GOLIM4: variants seen among roughly 807,000 people sequenced by gnomAD.
The protein encoded by GOLIM4 is golgi integral membrane protein 4.
Under a neutral mutation model 107.4 loss-of-function variants are expected in GOLIM4, and 71 were observed. The ratio of observed to expected loss-of-function variants is 0.66; its 90% CI spans 0.55 to 0.81. The LOEUF (loss-of-function observed/expected upper bound fraction) is 0.81. GOLIM4 is among the 30% of genes least tolerant of loss of function. The pLI, the probability that GOLIM4 is intolerant of heterozygous loss-of-function variation, is 0.00. For missense variants in GOLIM4, 830 were observed against 826.1 expected (o/e 1.00, Z -0.06); for synonymous variants, 327 against 294.8 (o/e 1.11, Z -1.12).
chr3:168,010,634 G>C, intron 15 of GOLIM4, 109 bp downstream of exon 15: 1 of 889,968 alleles, frequency 1.1e-6, no homozygotes, highest in Non-Finnish European at 1.8e-6. Flanking sequence ...TGGTAACTCA[G>C]AGGTACCATT....
At chr3:168,081,050 C>G (rs897277070) in intron 1 of GOLIM4, among the ~76,000 whole-genome samples, 3 of 152,166 alleles carry the variant, frequency 2.0e-5, no homozygotes, top group Non-Finnish European at 2.9e-5. Context: ...GCTAAAGATG[C>G]TACCAGGTAG....
chr3:168,010,419 C>T lies in GOLIM4; in HGVS notation c.1942-1G>A. Reference sequence around the variant, plus strand: ...CTCCATCATTATTTTTATCATCAGTCTTAAAATTAAAAGAAAAAAGAAAAA... The same window carrying T: ...CTCCATCATTATTTTTATCATCAGTTTTAAAATTAAAAGAAAAAAGAAAAA... On this transcript the variant is annotated splice_acceptor_variant, in intron 15 of 15. Transcript: ENST00000470487. LOFTEE classifies it high-confidence loss of function. 5 of 1,586,184 alleles carry T rather than the reference C, an allele frequency of 3.2e-6. No individual in the cohort carries two copies. Among genetic ancestry groups the T allele is most frequent in the Non-Finnish European group, 4.3e-6 (5 of 1,160,788 alleles).
chr3:168,017,830 C>A (rs1208294671), intron 14 of GOLIM4, among the ~76,000 whole-genome samples: 1 of 152,180 alleles, frequency 6.6e-6, no homozygotes, highest in Non-Finnish European at 1.5e-5. Context: ...AAATTCCTCT[C>A]TCTCTTTAGT....
At chr3:168,080,970 T>C (rs547385668) in intron 1 of GOLIM4, among the ~76,000 whole-genome samples, 14 of 152,174 alleles carry the variant, frequency 9.2e-5, no homozygotes, top group African/African-American at 3.1e-4. Context: ...ACACCTGGAA[T>C]CTAAAACACA....
chr3:168,010,371 G>T lies in GOLIM4; in HGVS notation c.1989C>A (p.Asp663Glu). 1 of 1,612,356 alleles carries T rather than the reference G, an allele frequency of 6.2e-7. No individual in the cohort carries two copies. Among genetic ancestry groups the T allele is most frequent in the Admixed American group, 1.7e-5 (1 of 59,974 alleles). ...GTTCCTCTCGGCCTTTGGGGCGGTT[G>T]TCATCTCGAACTTCTTGCTCTTCTC... ...NDGEEQEVRD[D>E]NRPKGREEHY... The change falls in exon 16 of 16, where the codon GAC (aspartate) becomes GAA (glutamate). Residue 663 changes from aspartate (D) to glutamate (E), a missense_variant. By Grantham distance (45) the Asp-to-Glu change is conservative. Coordinates refer to ENST00000470487, the MANE Select transcript of GOLIM4 (RefSeq NM_014498.5).
At chr3:168,021,984 C>T (rs73174976) in intron 14 of GOLIM4, among the ~76,000 whole-genome samples, 6,573 of 152,140 alleles carry the variant, frequency 0.043, 182 homozygotes, top group Non-Finnish European at 0.07. Context: ...ATGTAAGCAA[C>T]GTAAGGAAGG....
intron 14 of GOLIM4, among the ~76,000 whole-genome samples, chr3:168,017,456 C>A (rs188376678): frequency 9.7e-4 from 148 of 152,254 alleles, no homozygotes; most frequent in African/African-American, 3.4e-3. Context: ...TGTCACTGCA[C>A]AACAGCCTCG....
Position 168,024,572 on chromosome 3 carries a change from T to A in GOLIM4, c.1814A>T (p.Gln605Leu). ...GTACTGTTCATCAACATTGTCCTCCTGCTGGTCTGGATTTCCTGCCATCTG... is the reference window on the plus strand; with the variant it reads ...GTACTGTTCATCAACATTGTCCTCCAGCTGGTCTGGATTTCCTGCCATCTG... ...HLVMAGNPDQQEDNVDEQYQE... is the reference protein window; with the variant it reads ...HLVMAGNPDQLEDNVDEQYQE... Residue 605 changes from glutamine (Q) to leucine (L), a missense_variant, in exon 14 of 16, where the codon CAG becomes CTG. Coordinates refer to ENST00000470487, the MANE Select transcript of GOLIM4 (RefSeq NM_014498.5). 6.2e-7 allele frequency: 1 copy of A among 1,613,596 alleles called. No individual in the cohort carries two copies. Among genetic ancestry groups the A allele is most frequent in the South Asian group, 1.1e-5 (1 of 91,080 alleles).
At chr3:168,053,178 A>C (rs1359181805) in intron 1 of GOLIM4, among the ~76,000 whole-genome samples, 1 of 152,224 alleles carries the variant, frequency 6.6e-6, no homozygotes, top group Non-Finnish European at 1.5e-5. Context: ...TCACACGAGA[A>C]ATCAGCTGTA....
intron 1 of GOLIM4, among the ~76,000 whole-genome samples, chr3:168,062,849 A>C (rs1320341451): frequency 6.6e-6 from 1 of 152,218 alleles, no homozygotes; most frequent in Non-Finnish European, 1.5e-5. Context: ...AGTAGCTCTA[A>C]GGATGGTGCC....
intron 1 of GOLIM4, among the ~76,000 whole-genome samples, chr3:168,074,681 G>C (rs1379670169): frequency 6.6e-6 from 1 of 151,976 alleles, no homozygotes; most frequent in Non-Finnish European, 1.5e-5. Flanking sequence ...GGTGAAAGCA[G>C]GAAAACCAAG....
At chr3:168,062,739 G>A (rs774009371) in intron 1 of GOLIM4, among the ~76,000 whole-genome samples, 3 of 152,142 alleles carry the variant, frequency 2.0e-5, no homozygotes, top group East Asian at 3.9e-4. Context: ...TCAGGCACAC[G>A]TGGTAATCAT....
intron 1 of GOLIM4, among the ~76,000 whole-genome samples, chr3:168,084,867 A>T (rs181114276): frequency 6.0e-4 from 91 of 152,306 alleles, no homozygotes; most frequent in Admixed American, 5.6e-3. Context: ...GTTTATGGAA[A>T]CTAAAAATTA....
At chr3:168,075,751 G>A (rs549211463) in intron 1 of GOLIM4, among the ~76,000 whole-genome samples, 2 of 152,170 alleles carry the variant, frequency 1.3e-5, no homozygotes, top group East Asian at 1.9e-4. Context: ...ATGTCAAGAC[G>A]ACTCATGGGA....
At chr3:168,018,778 A>AATAATGAAAAT (rs977967215) in intron 14 of GOLIM4, among the ~76,000 whole-genome samples, 30 of 152,342 alleles carry the variant, frequency 2.0e-4, no homozygotes, top group Middle Eastern at 3.4e-3. Context: ...TTACAGCCTT[A>AATAATGAAAAT]ATAATGAAAA....
chr3:168,038,560 T>C (rs551981000), intron 7 of GOLIM4, among the ~76,000 whole-genome samples: 7 of 152,358 alleles, frequency 4.6e-5, no homozygotes, highest in African/African-American at 1.7e-4. Context: ...CCAGCTACTT[T>C]ACTTCCCTTT....
At chr3:168,084,158 T>C (rs1253355150) in intron 1 of GOLIM4, among the ~76,000 whole-genome samples, 3 of 152,102 alleles carry the variant, frequency 2.0e-5, no homozygotes, top group East Asian at 1.9e-4. Context: ...TAAAGGTGTA[T>C]GGCACCTCCC....
intron 7 of GOLIM4, among the ~76,000 whole-genome samples, chr3:168,037,923 T>C (rs62273300): frequency 0.16 from 24,168 of 152,194 alleles, 2,249 homozygotes; most frequent in Middle Eastern, 0.23. Context: ...AACACAGAAG[T>C]CTTTTTCTCA....
chr3:168,043,599 A>G (rs985351813), intron 4 of GOLIM4, 70 bp from the exon 5 acceptor site: 21 of 1,235,282 alleles, frequency 1.7e-5, no homozygotes, highest in Non-Finnish European at 2.2e-5. Flanking sequence ...TCTTGACAGC[A>G]CAGTAAACAA....
Sources: gnomAD v4.1 joint callset for allele counts (sites outside exome capture counted in the v4.1 genomes callset) on GRCh38, gnomAD v4.1.1 for gene constraint, MANE v1.5 for transcripts, NCBI Gene and HGNC (gene_info 2026-07-23, HGNC 2026-07-21) for gene names.